Variants in RAPH1 observed in about 807,000 individuals in gnomAD.
RAPH1 encodes the protein ras-associated and pleckstrin homology domains-containing protein 1.
Under a neutral mutation model 88.1 loss-of-function variants are expected in RAPH1, and 18 were observed. The observed-to-expected ratio is 0.20, with a 90% CI of 0.14 to 0.30. RAPH1 has a LOEUF of 0.30. Among genes scored for constraint, RAPH1 ranks in the 10% least tolerant of loss-of-function variants. The probability of loss-of-function intolerance (pLI) is 1.00; values close to 1 mark genes in which losing one functional copy is unlikely to be tolerated. For missense variants in RAPH1, 1,448 were observed against 1,543.2 expected (o/e 0.94, Z 1.03); for synonymous variants, 587 against 559.0 (o/e 1.05, Z -0.71).
chr2:203,499,214 T>C (rs990676827), intron 1 of RAPH1, among the ~76,000 whole-genome samples: 1 of 152,230 alleles, frequency 6.6e-6, no homozygotes, highest in African/African-American at 2.4e-5. Flanking sequence ...TAAAAATCCC[T>C]TTAAAAATTT....
At chr2:203,526,706 CA>C (rs34932665) in intron 1 of RAPH1, among the ~76,000 whole-genome samples, 34,169 of 80,884 alleles carry the variant, frequency 0.42, 3,739 homozygotes, top group Middle Eastern at 0.53. Context: ...AACTCTGTCT[CA>C]AAAAAAAAAA....
At chr2:203,527,800 C>CAAAAAAAAA (rs59384499) in intron 1 of RAPH1, among the ~76,000 whole-genome samples, 1 of 51,240 alleles carries the variant, frequency 2.0e-5, no homozygotes, top group African/African-American at 5.9e-5. Context: ...AACTCCATCT[C>CAAAAAAAAA]AAAAAAAAAA....
At chr2:203,457,297 C>T (rs1290735044) in intron 8 of RAPH1, among the ~76,000 whole-genome samples, 1 of 152,058 alleles carries the variant, frequency 6.6e-6, no homozygotes, top group African/African-American at 2.4e-5. Context: ...AAGCAATTCC[C>T]TGCCTCAGCC....
intron 1 of RAPH1, among the ~76,000 whole-genome samples, chr2:203,512,615 C>T (rs1255306133): frequency 6.7e-6 from 1 of 148,916 alleles, no homozygotes; most frequent in Non-Finnish European, 1.5e-5. Context: ...GCTAAACATC[C>T]CTTACCTTTT....
rs1330857935 is a variant in RAPH1 at position 203,434,900 on chromosome 2, A to G, written c.*4537T>C. ...CGTGGGTAGTGATGTCTCTTGTGAG[A>G]CACTTTTCATTTCTGCCAAAACTAG... On this transcript the variant is annotated 3_prime_UTR_variant, in exon 14 of 14. Transcript: ENST00000319170. 6.6e-6 allele frequency: 1 copy of G among 152,620 alleles called. No homozygotes were observed. The highest frequency in any genetic ancestry group is 1.5e-5 in the Non-Finnish European group (1 of 68,028). The allele number at this position is 152,620 out of a possible 1,614,324, so 9.5% of individuals were successfully genotyped here.
At chr2:203,486,021 A>C (rs1467082698) in intron 4 of RAPH1, among the ~76,000 whole-genome samples, 1 of 151,858 alleles carries the variant, frequency 6.6e-6, no homozygotes, top group Non-Finnish European at 1.5e-5. Flanking sequence ...CCAGCATAGA[A>C]GACTGGAAGA....
At position 203,444,117 on chromosome 2, in the gene RAPH1, A is replaced by C. The variant is rs2098506871; in HGVS notation, c.1776+751T>G. ...AGGAAAGGAGGGAAGGAAGGAAGAAAAGAATAAAAAAGAAGAGAAAAAAAG... is the reference window on the plus strand; with the variant it reads ...AGGAAAGGAGGGAAGGAAGGAAGAACAGAATAAAAAAGAAGAGAAAAAAAG... On this transcript the variant is annotated intron_variant, in intron 13 of 13. Coordinates refer to ENST00000319170, the MANE Select transcript of RAPH1 (RefSeq NM_213589.3). The C allele has an allele frequency of 2.7e-5, 4 of 147,900 alleles. No individual in the cohort carries two copies. In the South Asian group the frequency reaches 8.6e-4, roughly 32 times the overall value. 9.2% of individuals were successfully genotyped at this position (147,900 alleles called of 1,614,324 possible). A position where few individuals can be genotyped will look rare whatever the true frequency, so the allele number is the denominator to read the frequency against.
chr2:203,527,095 C>T (rs1250005870), intron 1 of RAPH1, among the ~76,000 whole-genome samples: 1 of 152,102 alleles, frequency 6.6e-6, no homozygotes, highest in African/African-American at 2.4e-5. Context: ...AACAATACTT[C>T]AGTAAGACTG....
intron 13 of RAPH1, chr2:203,443,384 G>A (rs1282339992): frequency 2.0e-5 from 3 of 152,108 alleles, no homozygotes; most frequent in Non-Finnish European, 4.4e-5. Context: ...ACTACAGCCA[G>A]GACACATCCT....
intron 1 of RAPH1, among the ~76,000 whole-genome samples, chr2:203,509,057 TA>T (rs1460117555): frequency 6.8e-6 from 1 of 147,492 alleles, no homozygotes; most frequent in Non-Finnish European, 1.5e-5. Flanking sequence ...AAGAGTCATT[TA>T]AAAAATAATT....
chr2:203,518,898 A>G (rs1331084484), intron 1 of RAPH1, among the ~76,000 whole-genome samples: 4 of 152,228 alleles, frequency 2.6e-5, no homozygotes, highest in Non-Finnish European at 5.9e-5. Context: ...TATAAATTTG[A>G]TAACTCAGAT....
intron 1 of RAPH1, among the ~76,000 whole-genome samples, chr2:203,528,611 T>C (rs1231026595): frequency 6.6e-6 from 1 of 152,262 alleles, no homozygotes; most frequent in Middle Eastern, 3.4e-3. Flanking sequence ...AATAAACAGA[T>C]TCAAGAGCCA....
chr2:203,514,692 T>C lies in RAPH1; in HGVS notation c.1-19339A>G, dbSNP rs181655261. Among the ~76,000 whole-genome samples, 560 of 152,116 alleles carry C rather than the reference T, an allele frequency of 3.7e-3. 1 individual carries two copies. The highest frequency in any genetic ancestry group is 7.5e-3 in the Admixed American group (114 of 15,270). On this transcript the variant is annotated intron_variant, in intron 1 of 13. Transcript: ENST00000319170. ...GCCTCAGCCTCCCGAGTAGCTGGAA[T>C]TACAGGCGCCCACCACCACGTGCAG...
chr2:203,441,941 A>T, intron 13 of RAPH1: 1 of 1,386,302 alleles, frequency 7.2e-7, no homozygotes, highest in Non-Finnish European at 9.4e-7. Context: ...GAGTATGAGA[A>T]TGTTGAGCAG....
In RAPH1 at chr2:203,440,308, C is replaced by T. The variant is rs765774040; in HGVS notation, c.2882G>A (p.Ser961Asn). 1.2e-5 allele frequency: 20 copies of T among 1,612,996 alleles called. No homozygotes were observed. The highest frequency in any genetic ancestry group is 1.7e-4 in the Middle Eastern group (1 of 6,058). ...CTTTCCCCCAGGGCTGGACGTCTTA[C>T]TGGTCTTTTTGCCTGGAGATCCACT... ...DKSGSPGKKT[S>N]KTSSPGGKKP... The change falls in exon 14 of 14, where the codon AGT (serine) becomes AAT (asparagine). Residue 961 changes from serine (S) to asparagine (N), a missense_variant. Coordinates refer to ENST00000319170, the MANE Select transcript of RAPH1 (RefSeq NM_213589.3).
At chr2:203,493,160 C>CT (rs1045975915) in intron 2 of RAPH1, among the ~76,000 whole-genome samples, 6 of 152,292 alleles carry the variant, frequency 3.9e-5, no homozygotes, top group African/African-American at 1.4e-4. Flanking sequence ...CAGTTTTAAT[C>CT]TTTTTTTCTC....
At chr2:203,447,181 CTT>C (rs1161851720) in intron 12 of RAPH1, 19 of 127,982 alleles carry the variant, frequency 1.5e-4, no homozygotes, top group Non-Finnish European at 2.6e-4. Context: ...TCTTTTCTTT[CTT>C]TTTTTTTTTT....
intron 3 of RAPH1, 92 bp downstream of exon 3, chr2:203,491,122 T>A: frequency 1.5e-6 from 1 of 680,124 alleles, no homozygotes; most frequent in Non-Finnish European, 2.5e-6. Context: ...AGCTTTTATA[T>A]CGAGTTTTTA....
chr2:203,483,419 GTAGA>G (rs1427829700), intron 4 of RAPH1, among the ~76,000 whole-genome samples: 5 of 152,204 alleles, frequency 3.3e-5, no homozygotes, highest in Admixed American at 1.3e-4. Context: ...AAGAAAATAA[GTAGA>G]TAAAGACTCC....
Sources: allele counts gnomAD v4.1 joint callset (sites outside exome capture counted in the v4.1 genomes callset), GRCh38; gene constraint gnomAD v4.1.1; transcripts MANE v1.5; gene names NCBI Gene and HGNC (gene_info 2026-07-23, HGNC 2026-07-21).